The following ST6GALNAC3 variants were observed in gnomAD, a reference collection of about 807,000 sequenced individuals.
The protein encoded by ST6GALNAC3 is alpha-N-acetylgalactosaminide alpha-2,6-sialyltransferase 3.
A neutral mutation model predicts 32.7 loss-of-function variants in ST6GALNAC3; 25 were observed. That is an observed-to-expected ratio of 0.76 (90% CI 0.56 to 1.07). The LOEUF is 1.07. Among genes scored for constraint, ST6GALNAC3 ranks in the 50% least tolerant of loss-of-function variants. ST6GALNAC3 has a pLI of 0.00. For missense variants in ST6GALNAC3, 355 were observed against 382.4 expected (o/e 0.93, Z 0.60); for synonymous variants, 129 against 133.1 (o/e 0.97, Z 0.21).
chr1:76,569,265 G>C (rs1247914505), intron 3 of ST6GALNAC3, among the ~76,000 whole-genome samples: 1 of 152,062 alleles, frequency 6.6e-6, no homozygotes, highest in Non-Finnish European at 1.5e-5. Flanking sequence ...ATATTTTGTT[G>C]TATTGGTACA....
intron 3 of ST6GALNAC3, among the ~76,000 whole-genome samples, chr1:76,544,246 C>T (rs564456320): frequency 6.6e-6 from 1 of 152,198 alleles, no homozygotes; most frequent in South Asian, 2.1e-4. Context: ...AAATCTCAGA[C>T]TATGCAGGCC....
intron 2 of ST6GALNAC3, among the ~76,000 whole-genome samples, chr1:76,374,706 G>A (rs1341314024): frequency 1.3e-5 from 2 of 151,974 alleles, no homozygotes; most frequent in Non-Finnish European, 2.9e-5. Context: ...AAACAGCTGT[G>A]GCTCTATCAT....
At chr1:76,361,989 A>AAAAC (rs71588871) in intron 2 of ST6GALNAC3, among the ~76,000 whole-genome samples, 1 of 148,090 alleles carries the variant, frequency 6.8e-6, no homozygotes, top group South Asian at 2.1e-4. Flanking sequence ...AAAAAAAAAA[A>AAAAC]AAAAGAGAGA....
At chr1:76,300,453 T>C (rs1660662697) in intron 1 of ST6GALNAC3, among the ~76,000 whole-genome samples, 1 of 151,924 alleles carries the variant, frequency 6.6e-6, no homozygotes, top group African/African-American at 2.4e-5. Flanking sequence ...CCAGCAGTGA[T>C]CACTAAAAAA....
chr1:76,402,129 T>G (rs1292855331), intron 2 of ST6GALNAC3, among the ~76,000 whole-genome samples: 2 of 152,192 alleles, frequency 1.3e-5, no homozygotes, highest in Admixed American at 1.3e-4. Flanking sequence ...ATGATGGTAC[T>G]TTTTAACAAT....
intron 1 of ST6GALNAC3, among the ~76,000 whole-genome samples, chr1:76,168,968 G>A (rs1397526347): frequency 1.3e-5 from 2 of 152,120 alleles, no homozygotes; most frequent in African/African-American, 4.8e-5. Flanking sequence ...GGTTAATATT[G>A]ATATGTGAGG....
intron 3 of ST6GALNAC3, among the ~76,000 whole-genome samples, chr1:76,458,981 T>C (rs1391117461): frequency 2.0e-5 from 3 of 152,150 alleles, no homozygotes; most frequent in Non-Finnish European, 4.4e-5. Context: ...TTTATCTGTT[T>C]TAATGTAAAA....
intron 3 of ST6GALNAC3, among the ~76,000 whole-genome samples, chr1:76,601,103 T>C (rs1335971238): frequency 6.6e-6 from 1 of 151,904 alleles, no homozygotes; most frequent in Admixed American, 6.6e-5. Context: ...GAGGCTAAGG[T>C]GAAAGGATCA....
intron 1 of ST6GALNAC3, among the ~76,000 whole-genome samples, chr1:76,111,628 G>T (rs368379678): frequency 0.024 from 3,647 of 149,220 alleles, 112 homozygotes; most frequent in Admixed American, 0.071. Flanking sequence ...AGATTAGGGA[G>T]TGGTGATGAC....
intron 3 of ST6GALNAC3, among the ~76,000 whole-genome samples, chr1:76,446,564 A>G (rs1405658959): frequency 6.6e-6 from 1 of 152,150 alleles, no homozygotes; most frequent in Non-Finnish European, 1.5e-5. Context: ...CCAGAATGTC[A>G]TACAGTTAGT....
intron 3 of ST6GALNAC3, among the ~76,000 whole-genome samples, chr1:76,544,551 T>C (rs888866601): frequency 3.9e-5 from 6 of 152,166 alleles, no homozygotes; most frequent in African/African-American, 1.4e-4. Flanking sequence ...TCAAGGATGA[T>C]TCTCATATTC....
chr1:76,543,797 G>A (rs758816254), intron 3 of ST6GALNAC3, among the ~76,000 whole-genome samples: 2 of 152,224 alleles, frequency 1.3e-5, no homozygotes, highest in Non-Finnish European at 2.9e-5. Context: ...CAACCACAGA[G>A]CAGTAATTAT....
chr1:76,458,254 T>C (rs1657998904), intron 3 of ST6GALNAC3, among the ~76,000 whole-genome samples: 1 of 66,604 alleles, frequency 1.5e-5, no homozygotes, highest in Non-Finnish European at 3.1e-5. Context: ...GGAGAGGATG[T>C]GGAGAAATAG....
chr1:76,497,365 A>G (rs1315954652), intron 3 of ST6GALNAC3, among the ~76,000 whole-genome samples: 1 of 152,204 alleles, frequency 6.6e-6, no homozygotes, highest in Non-Finnish European at 1.5e-5. Flanking sequence ...AGAGAGAATT[A>G]AAAGAGAGCT....
intron 2 of ST6GALNAC3, among the ~76,000 whole-genome samples, chr1:76,362,355 C>T (rs1429358621): frequency 1.3e-5 from 2 of 152,114 alleles, no homozygotes; most frequent in African/African-American, 4.8e-5. Context: ...GATTACAGTT[C>T]GATGTGAGAT....
chr1:76,092,090 C>T (rs1347022298), intron 1 of ST6GALNAC3, among the ~76,000 whole-genome samples: 8 of 152,174 alleles, frequency 5.3e-5, no homozygotes, highest in Non-Finnish European at 1.0e-4. Context: ...CTGTCCAAGT[C>T]ATAAGACCAT....
intron 3 of ST6GALNAC3, among the ~76,000 whole-genome samples, chr1:76,524,408 C>T (rs909910666): frequency 6.6e-6 from 1 of 152,088 alleles, no homozygotes; most frequent in Admixed American, 6.6e-5. Flanking sequence ...CTATGTTATA[C>T]ATTTCTTAAA....
At position 76,509,151 on chromosome 1, in the gene ST6GALNAC3, A is replaced by G. The variant is rs923248863; in HGVS notation, c.623+96734A>G. Among the ~76,000 whole-genome samples, 7 of 152,226 alleles carry G rather than the reference A, an allele frequency of 4.6e-5. No homozygotes were observed. Among genetic ancestry groups the G allele is most frequent in the African/African-American group, 1.7e-4 (7 of 41,452 alleles). ...GTTGATGTAGTGTAAAATGATTTTA[A>G]TGCTTGTGGTCTAAGAAAGTATCTC... On this transcript the variant is annotated intron_variant, in intron 3 of 4. Transcript: ENST00000328299. This position sits in a 1 kb window ranked among gnomAD's most constrained non-coding sequence, Gnocchi z 5.5.
intron 3 of ST6GALNAC3, among the ~76,000 whole-genome samples, chr1:76,530,605 A>C (rs1202886200): frequency 1.3e-5 from 2 of 152,220 alleles, no homozygotes; most frequent in African/African-American, 4.8e-5. Context: ...TGATTTGGTC[A>C]GATAGCACAG....
Sources: gnomAD v4.1 joint callset for allele counts (sites outside exome capture counted in the v4.1 genomes callset) on GRCh38, gnomAD v4.1.1 for gene constraint, Gnocchi (gnomAD v3.1) non-coding constraint, MANE v1.5 for transcripts, NCBI Gene and HGNC (gene_info 2026-07-23, HGNC 2026-07-21) for gene names.